MLIP: variants seen among roughly 807,000 people sequenced by gnomAD.
MLIP encodes muscular LMNA-interacting protein.
Under a neutral mutation model 84.8 loss-of-function variants are expected in MLIP, and 79 were observed. The ratio of observed to expected loss-of-function variants is 0.93; its 90% CI spans 0.78 to 1.12. The LOEUF (loss-of-function observed/expected upper bound fraction) is 1.12. Ranked by LOEUF, MLIP falls within the 50% of genes most tolerant of loss-of-function variation. The pLI, the probability that MLIP is intolerant of heterozygous loss-of-function variation, is 0.00. For synonymous variants in MLIP, 504 were observed against 463.0 expected (o/e 1.09, Z -1.14); for missense variants, 1,257 against 1,160.6 (o/e 1.08, Z -1.21).
At chr6:54,139,036 C>G (rs1360149004) in intron 4 of MLIP, among the ~76,000 whole-genome samples, 1 of 151,966 alleles carries the variant, frequency 6.6e-6, no homozygotes, top group African/African-American at 2.4e-5. Flanking sequence ...ATAAAGTGAC[C>G]CTCATTATCT....
chr6:54,157,890 T>C (rs539734323), intron 5 of MLIP, among the ~76,000 whole-genome samples: 1 of 152,268 alleles, frequency 6.6e-6, no homozygotes, highest in Admixed American at 6.5e-5. Context: ...CAATATTGAA[T>C]GTTTTTATTA....
intron 5 of MLIP, among the ~76,000 whole-genome samples, chr6:54,156,336 C>T (rs754992424): frequency 1.3e-5 from 2 of 152,038 alleles, no homozygotes; most frequent in Non-Finnish European, 2.9e-5. Flanking sequence ...AGAATTTCAG[C>T]ATTACTGACC....
chr6:54,215,483 T>TTGACAAAAA, intron 11 of MLIP: 6 of 931,556 alleles, frequency 6.4e-6, no homozygotes, highest in Non-Finnish European at 6.9e-6. Flanking sequence ...TGCAGTATAA[T>TTGACAAAAA]TGACAAAAAT....
intron 8 of MLIP, among the ~76,000 whole-genome samples, chr6:54,168,500 A>G (rs919493571): frequency 4.0e-5 from 6 of 151,824 alleles, no homozygotes; most frequent in African/African-American, 9.7e-5. Flanking sequence ...TTATGATTTC[A>G]TTGCTTATTT....
chr6:54,227,012 G>A (rs574952103), intron 11 of MLIP, among the ~76,000 whole-genome samples: 1 of 152,262 alleles, frequency 6.6e-6, no homozygotes, highest in African/African-American at 2.4e-5. Context: ...CAGTGTTGGG[G>A]GAGGGACTTG....
chr6:54,261,898 A>G (rs1419862342), intron 13 of MLIP: 1 of 236,520 alleles, frequency 4.2e-6, no homozygotes, highest in Non-Finnish European at 6.9e-6. Context: ...TGAAGGTTGT[A>G]ATCTTAGGCA....
chr6:54,117,743 G>T lies in MLIP; in HGVS notation c.97-3704G>T, dbSNP rs570219499. Among the ~76,000 whole-genome samples the T allele has an allele frequency of 1.3e-4, 19 of 151,004 alleles. No homozygotes were observed. In the East Asian group the frequency reaches 3.8e-3, roughly 31 times the overall value. Reference sequence around the variant, plus strand: ...GGGCGGATCACGAGATCAGGAGATCGACACCATCCTGGCTAACATGGTGAA... The same window carrying T: ...GGGCGGATCACGAGATCAGGAGATCTACACCATCCTGGCTAACATGGTGAA... On this transcript the variant is annotated intron_variant, in intron 1 of 13. Coordinates refer to ENST00000502396, the MANE Select transcript of MLIP (RefSeq NM_001281747.2).
Position 54,137,686 on chromosome 6 carries a change from G to A in MLIP, c.1617G>A (p.Leu539=), listed in dbSNP as rs2150486638. The part of the protein sequence containing the change: ...PTLKSNTMLS[L]LQTSTSSSVG... ...TGAAGAGCAATACCATGCTCTCCCT[G>A]CTACAAACCAGTACATCCAGTTCTG... Residue 539 remains leucine, a synonymous_variant, in exon 4 of 14, where the codon CTG becomes CTA. Transcript: ENST00000502396. 6.5e-7 allele frequency: 1 copy of A among 1,536,054 alleles called. No homozygotes were observed. The highest frequency in any genetic ancestry group is 2.4e-5 in the East Asian group (1 of 40,904).
At chr6:54,157,674 A>G (rs1042726674) in intron 5 of MLIP, among the ~76,000 whole-genome samples, 1 of 152,116 alleles carries the variant, frequency 6.6e-6, no homozygotes, top group Non-Finnish European at 1.5e-5. Context: ...CTGTAACACA[A>G]GGAAAGGAAC....
chr6:54,213,699 C>G (rs1163134849), intron 11 of MLIP, among the ~76,000 whole-genome samples: 1 of 77,190 alleles, frequency 1.3e-5, no homozygotes. Flanking sequence ...TGGAGTGAGA[C>G]TTTGTCTCAA....
intron 12 of MLIP, among the ~76,000 whole-genome samples, chr6:54,240,881 C>G (rs930260871): frequency 6.6e-6 from 1 of 152,032 alleles, no homozygotes; most frequent in Non-Finnish European, 1.5e-5. Flanking sequence ...GAGGCTGAGG[C>G]GGGAGAATCG....
intron 1 of MLIP, among the ~76,000 whole-genome samples, chr6:54,042,490 A>AT (rs1433929406): frequency 2.0e-5 from 3 of 152,100 alleles, no homozygotes; most frequent in Non-Finnish European, 4.4e-5. Context: ...TACCAAACAT[A>AT]TTTTTTTAAA....
At chr6:54,152,539 C>A (rs550298574) in intron 5 of MLIP, among the ~76,000 whole-genome samples, 1 of 152,226 alleles carries the variant, frequency 6.6e-6, no homozygotes, top group Non-Finnish European at 1.5e-5. Flanking sequence ...GAGACTTACT[C>A]ATTATCATGA....
At chr6:54,043,891 G>T (rs1764887035) in intron 1 of MLIP, among the ~76,000 whole-genome samples, 1 of 152,174 alleles carries the variant, frequency 6.6e-6, no homozygotes, top group South Asian at 2.1e-4. Context: ...AGAAATCAGG[G>T]AGCGAGATAG....
At chr6:54,122,170 T>C (rs1275579644) in intron 2 of MLIP, among the ~76,000 whole-genome samples, 1 of 152,034 alleles carries the variant, frequency 6.6e-6, no homozygotes, top group African/African-American at 2.4e-5. Flanking sequence ...AGAAGAAAAA[T>C]GTTATGTAGG....
At chr6:54,089,548 G>C (rs1411803977) in intron 1 of MLIP, among the ~76,000 whole-genome samples, 1 of 152,114 alleles carries the variant, frequency 6.6e-6, no homozygotes, top group Admixed American at 6.6e-5. Context: ...TGGCTTATAT[G>C]ACATAGCTCT....
chr6:54,084,814 G>A (rs929501037), intron 1 of MLIP, among the ~76,000 whole-genome samples: 1 of 152,150 alleles, frequency 6.6e-6, no homozygotes, highest in Non-Finnish European at 1.5e-5. Context: ...GCAAATGGAT[G>A]GTGGATAAAA....
Position 54,124,536 on chromosome 6 carries a change from TTGAC to T in MLIP, c.318_321del (p.Leu106PhefsTer69), listed in dbSNP as rs768457538. The T allele has an allele frequency of 1.2e-6, 2 of 1,614,026 alleles. No individual in the cohort carries two copies. The highest frequency in any genetic ancestry group is 2.7e-5 in the African/African-American group (2 of 74,916). On this transcript the variant is annotated frameshift_variant, in exon 3 of 14. Transcript: ENST00000502396. LOFTEE classifies it high-confidence loss of function. ...CCAACAAGAGAGAGACCAAGCGAAA[TTGAC>T]TTGTCCTTCAGAGGTCAGTGGAACG...
intron 1 of MLIP, among the ~76,000 whole-genome samples, chr6:54,033,152 T>C (rs968576358): frequency 6.6e-6 from 1 of 152,152 alleles, no homozygotes; most frequent in East Asian, 1.9e-4. Flanking sequence ...GATCATGATA[T>C]AGATAATAGG....
Sources: gnomAD v4.1 joint callset for allele counts (sites outside exome capture counted in the v4.1 genomes callset) on GRCh38, gnomAD v4.1.1 for gene constraint, MANE v1.5 for transcripts, NCBI Gene and HGNC (gene_info 2026-07-23, HGNC 2026-07-21) for gene names.